CDC16: variants seen among roughly 807,000 people sequenced by gnomAD.
CDC16 encodes the protein cell division cycle 16, also known as cell division cycle protein 16 homolog.
CDC16 carries 34 observed loss-of-function variants against 87.0 expected under a neutral mutation model. That is an observed-to-expected ratio of 0.39 (90% CI 0.30 to 0.52). The LOEUF is 0.52. Ranked by LOEUF, CDC16 falls within the 20% of genes least tolerant of loss-of-function variation. The pLI is 0.74. For synonymous variants in CDC16, 263 were observed against 260.6 expected, an observed-to-expected ratio of 1.01 and a Z score of -0.09; for missense variants, 653 against 751.9, an observed-to-expected ratio of 0.87 and a Z score of 1.54.
intron 3 of CDC16, 26 bp from the exon 4 acceptor site, chr13:114,238,964 C>G: frequency 1.1e-5 from 17 of 1,605,904 alleles, no homozygotes; most frequent in Non-Finnish European, 1.4e-5. Flanking sequence ...TTGACCACTA[C>G]TTAAACAAAT....
intron 11 of CDC16, among the ~76,000 whole-genome samples, 196 bp from the exon 12 acceptor site, chr13:114,250,353 A>G (rs957621026): frequency 1.3e-5 from 2 of 152,016 alleles, no homozygotes; most frequent in South Asian, 2.1e-4. Flanking sequence ...TTAGCCGGGC[A>G]TGGTGGCGGG....
intron 17 of CDC16, among the ~76,000 whole-genome samples, chr13:114,267,098 T>C (rs1337395816): frequency 1.3e-5 from 2 of 152,244 alleles, no homozygotes; most frequent in African/African-American, 4.8e-5. Flanking sequence ...CACATTTCTA[T>C]ATGCTTTAAA....
At chr13:114,235,355 C>T (rs2081194578) in intron 1 of CDC16, among the ~76,000 whole-genome samples, 1 of 152,196 alleles carries the variant, frequency 6.6e-6, no homozygotes, top group African/African-American at 2.4e-5. Flanking sequence ...CCCGAGCGCA[C>T]GGGGCGCCTC....
chr13:114,250,964 TAA>T (rs1371555740), intron 12 of CDC16, among the ~76,000 whole-genome samples: 1 of 152,202 alleles, frequency 6.6e-6, no homozygotes, highest in Non-Finnish European at 1.5e-5. Flanking sequence ...CATGCAAGAA[TAA>T]AAATATTCAC....
At chr13:114,235,313 C>T (rs932723654) in intron 1 of CDC16, among the ~76,000 whole-genome samples, 181 bp downstream of exon 1, 6 of 152,060 alleles carry the variant, frequency 3.9e-5, no homozygotes, top group African/African-American at 1.4e-4. Context: ...GTCCCTGCAG[C>T]TGGGAGGGGC....
At chr13:114,270,282 T>G (rs1236438114) in intron 17 of CDC16, among the ~76,000 whole-genome samples, 2 of 151,772 alleles carry the variant, frequency 1.3e-5, no homozygotes, top group Non-Finnish European at 2.9e-5. Context: ...ACAGGAGGGA[T>G]TGAGAAAGGG....
At position 114,268,202 on chromosome 13, in the gene CDC16, A is replaced by G. The variant is rs79005789; in HGVS notation, c.1603+2962A>G. Among the ~76,000 whole-genome samples the G allele has an allele frequency of 5.3e-5, 8 of 152,346 alleles. No individual in the cohort carries two copies. The East Asian group carries it at 1.5e-3, about 29-fold the overall frequency. ...GGAGATAGCTCCAGCTCATGCCTGC[A>G]AATGAAGGCTCTCTAGAGAGGGAAA... On this transcript the variant is annotated intron_variant, in intron 17 of 17. Transcript: ENST00000356221.
Position 114,236,708 on chromosome 13 carries a change from C to G in CDC16, c.103+9C>G, listed in dbSNP as rs769350244. The G allele has an allele frequency of 6.2e-7, 1 of 1,613,110 alleles. No individual in the cohort carries two copies. The highest frequency in any genetic ancestry group is 8.5e-7 in the Non-Finnish European group (1 of 1,179,910). On this transcript the variant is annotated intron_variant, in intron 2 of 17. Coordinates refer to ENST00000356221, the MANE Select transcript of CDC16 (RefSeq NM_001078645.3). The stretch of plus-strand genomic sequence containing the variant: ...AGCTTCACTCTCTCGTGGTAAGTGA[C>G]AAAATGCTAACTGGTTTTCTGATTA...
At chr13:114,263,557 T>C (rs2082984851) in intron 16 of CDC16, among the ~76,000 whole-genome samples, 1 of 152,246 alleles carries the variant, frequency 6.6e-6, no homozygotes, top group East Asian at 1.9e-4. Flanking sequence ...TGAACATATT[T>C]AGGCAGATTT....
Position 114,242,240 on chromosome 13 carries a change from C to G in CDC16, c.501C>G (p.Phe167Leu). 6.2e-7 allele frequency: 1 copy of G among 1,614,008 alleles called. No individual in the cohort carries two copies. Among genetic ancestry groups the G allele is most frequent in the Non-Finnish European group, 8.5e-7 (1 of 1,179,968 alleles). Residue 167 changes from phenylalanine (F) to leucine (L), a missense_variant, in exon 6 of 18, where the codon TTC becomes TTG. Phe to Leu is a conservative substitution (Grantham distance 22). Transcript: ENST00000356221. Reference protein sequence around the residue: ...LKLDVYCFEAFDLLTSHHMLT... With the variant: ...LKLDVYCFEALDLLTSHHMLT... Reference sequence around the variant, plus strand: ...TTGATGTCTACTGTTTTGAAGCGTTCGATCTTTTAACATCACATCACATGC... The same window carrying G: ...TTGATGTCTACTGTTTTGAAGCGTTGGATCTTTTAACATCACATCACATGC...
chr13:114,269,644 A>G (rs2083474896), intron 17 of CDC16, among the ~76,000 whole-genome samples: 2 of 152,226 alleles, frequency 1.3e-5, no homozygotes, highest in South Asian at 4.1e-4. Flanking sequence ...ATAGAATACT[A>G]TATTATTTGA....
At position 114,246,050 on chromosome 13, in the gene CDC16, G is replaced by T; in HGVS notation, c.897+1G>T. On this transcript the variant is annotated splice_donor_variant, in intron 10 of 17. Coordinates refer to ENST00000356221, the MANE Select transcript of CDC16 (RefSeq NM_001078645.3). LOFTEE classifies it high-confidence loss of function. ...GGTGGATTTATATCCTAGTAATCCTGTAAGTAATATAACTTTTAGTCTTAG... is the reference window on the plus strand; with the variant it reads ...GGTGGATTTATATCCTAGTAATCCTTTAAGTAATATAACTTTTAGTCTTAG... 1 of 1,371,400 alleles carries T rather than the reference G, an allele frequency of 7.3e-7. No individual in the cohort carries two copies. 85.0% of individuals were successfully genotyped at this position (1,371,400 alleles called of 1,614,324 possible). A position where few individuals can be genotyped will look rare whatever the true frequency, so the allele number is the denominator to read the frequency against.
chr13:114,258,875 A>G (rs997500473), intron 13 of CDC16, among the ~76,000 whole-genome samples: 4 of 152,092 alleles, frequency 2.6e-5, no homozygotes. Flanking sequence ...AGATGGGCAT[A>G]TTGCTTGAGG....
At chr13:114,269,487 A>G (rs1199641256) in intron 17 of CDC16, among the ~76,000 whole-genome samples, 1 of 152,154 alleles carries the variant, frequency 6.6e-6, no homozygotes, top group Non-Finnish European at 1.5e-5. Context: ...ACTCCCAGGT[A>G]TGAGCCCAGT....
rs776639943 is a variant in CDC16 at position 114,272,443 on chromosome 13, A to T, written c.1863A>T (p.Ter621CysextTer24). ...LETSMSDHST* is the reference protein window; with the variant it reads ...LETSMSDHSTC ...CATCTATGTCAGACCACAGCACGTG[A>T]CTCCAGTCAGTGGTCCTGGTCCCAC... is the stretch of plus-strand genomic sequence containing the variant. Residue 621 changes from the stop codon to cysteine (C), a stop_lost, in exon 18 of 18, where the codon TGA (stop) becomes TGT (cysteine). Transcript: ENST00000356221. 6.2e-7 allele frequency: 1 copy of T among 1,613,076 alleles called. No individual in the cohort carries two copies. Among genetic ancestry groups the T allele is most frequent in the South Asian group, 1.1e-5 (1 of 90,966 alleles).
At chr13:114,252,325 T>C (rs1445493315) in intron 12 of CDC16, among the ~76,000 whole-genome samples, 2 of 152,230 alleles carry the variant, frequency 1.3e-5, no homozygotes, top group Non-Finnish European at 2.9e-5. Context: ...GCCATACTCT[T>C]AGGACTTCAT....
At position 114,243,943 on chromosome 13, in the gene CDC16, CATT is replaced by C. The variant is rs941138461; in HGVS notation, c.727_729del (p.Tyr243del). 6.2e-7 allele frequency: 1 copy of C among 1,605,276 alleles called. No homozygotes were observed. Among genetic ancestry groups the C allele is most frequent in the Non-Finnish European group, 8.5e-7 (1 of 1,172,410 alleles). ...TGTGGTAGTGTCTTTAGCTGAGAGACATTATTATAACTGTGATTTTAAAATGTG... is the reference window on the plus strand; with the variant it reads ...TGTGGTAGTGTCTTTAGCTGAGAGACATTATAACTGTGATTTTAAAATGTG... On this transcript the variant is annotated inframe_deletion, in exon 8 of 18. Coordinates refer to ENST00000356221, the MANE Select transcript of CDC16 (RefSeq NM_001078645.3).
intron 17 of CDC16, among the ~76,000 whole-genome samples, chr13:114,270,850 TAAAG>T (rs2083576117): frequency 6.6e-6 from 1 of 151,008 alleles, no homozygotes; most frequent in African/African-American, 2.4e-5. Context: ...GGAAGCTAAA[TAAAG>T]GCTAGAGAGT....
chr13:114,268,814 A>C (rs2083414465), intron 17 of CDC16, among the ~76,000 whole-genome samples: 1 of 152,176 alleles, frequency 6.6e-6, no homozygotes, highest in African/African-American at 2.4e-5. Flanking sequence ...ACCCTGTCTC[A>C]AAAAAGTAAT....
Sources: gnomAD v4.1 joint callset for allele counts (sites outside exome capture counted in the v4.1 genomes callset) on GRCh38, gnomAD v4.1.1 for gene constraint, MANE v1.5 for transcripts, NCBI Gene and HGNC (gene_info 2026-07-23, HGNC 2026-07-21) for gene names.